Variants in KIRREL3 observed in about 807,000 individuals in gnomAD.
The protein encoded by KIRREL3 is kirre like nephrin family adhesion molecule 3, also known as kin of IRRE-like protein 3.
KIRREL3 carries 36 observed loss-of-function variants against 89.7 expected under a neutral mutation model. The observed-to-expected ratio is 0.40, with a 90% CI of 0.31 to 0.53. The LOEUF (loss-of-function observed/expected upper bound fraction) is 0.53. Among genes scored for constraint, KIRREL3 ranks in the 20% least tolerant of loss-of-function variants. The pLI is 0.49. For synonymous variants in KIRREL3, 445 were observed against 441.4 expected (o/e 1.01, Z -0.10); for missense variants, 864 against 1,056.6 (o/e 0.82, Z 2.53).
rs540560592 is a variant in KIRREL3 at position 126,911,659 on chromosome 11, T to C, written c.55+88796A>G. 7.2e-5 allele frequency among the ~76,000 whole-genome samples: 11 copies of C among 152,248 alleles called. No homozygotes were observed. In the South Asian group the frequency reaches 2.3e-3, roughly 32 times the overall value. On this transcript the variant is annotated intron_variant, in intron 1 of 16. Transcript: ENST00000525144. ...AGGACAGTCAGGAAGGACTTTCCTC[T>C]TCTGGGCCCCAGCAGATGGTGGGAT...
At chr11:126,440,942 C>T (rs1293787208) in intron 10 of KIRREL3, 1 of 238,368 alleles carries the variant, frequency 4.2e-6, no homozygotes, top group Non-Finnish European at 8.3e-6. Flanking sequence ...GGGGAGGTGT[C>T]TAGATGAAGG....
At chr11:126,998,128 A>G (rs994650290) in intron 1 of KIRREL3, among the ~76,000 whole-genome samples, 1 of 152,206 alleles carries the variant, frequency 6.6e-6, no homozygotes, top group Non-Finnish European at 1.5e-5. Flanking sequence ...AATGCATGAC[A>G]CTGGGTAGAG....
chr11:126,909,006 G>A lies in KIRREL3; in HGVS notation c.55+91449C>T, dbSNP rs1233941091. Among the ~76,000 whole-genome samples, 4 of 152,034 alleles carry A rather than the reference G, an allele frequency of 2.6e-5. No individual in the cohort carries two copies. Among genetic ancestry groups the A allele is most frequent in the South Asian group, 4.1e-4 (2 of 4,824 alleles). ...ACTTAAATTTGTTATATTATTTAAA[G>A]TTGTTATGTTAAATTTGTGTTATTT... is the stretch of plus-strand genomic sequence containing the variant. On this transcript the variant is annotated intron_variant, in intron 1 of 16. Transcript: ENST00000525144. This position sits in a 1 kb window ranked among gnomAD's most constrained non-coding sequence, Gnocchi z 4.5.
intron 1 of KIRREL3, among the ~76,000 whole-genome samples, chr11:126,757,795 A>C (rs1194410171): frequency 2.0e-5 from 3 of 152,208 alleles, no homozygotes; most frequent in African/African-American, 7.2e-5. Flanking sequence ...CATATTCACC[A>C]CTAGCTAACT....
At chr11:126,644,548 A>G (rs1259106135) in intron 1 of KIRREL3, among the ~76,000 whole-genome samples, 14 of 152,194 alleles carry the variant, frequency 9.2e-5, no homozygotes, top group Admixed American at 9.2e-4. Flanking sequence ...ATCACCAAGG[A>G]TGAAGCTGGT....
intron 1 of KIRREL3, among the ~76,000 whole-genome samples, chr11:126,911,982 CAAA>C (rs34548052): frequency 0.17 from 15,243 of 91,412 alleles, 857 homozygotes; most frequent in South Asian, 0.36. Flanking sequence ...GACTCTGTCT[CAAA>C]AAAAAAAAAA....
At chr11:126,602,156 C>T (rs185240000) in intron 1 of KIRREL3, among the ~76,000 whole-genome samples, 142 of 152,306 alleles carry the variant, frequency 9.3e-4, no homozygotes, top group Non-Finnish European at 1.2e-3. Flanking sequence ...GCCCTGGCAG[C>T]GTTTCTGTTT....
rs974150277 is a variant in KIRREL3 at position 126,684,560 on chromosome 11, T to C, written c.56-121648A>G. On this transcript the variant is annotated intron_variant, in intron 1 of 16. Coordinates refer to ENST00000525144, the MANE Select transcript of KIRREL3 (RefSeq NM_032531.4). This position sits in a 1 kb window ranked among gnomAD's most constrained non-coding sequence, Gnocchi z 4.2. ...CCGATGTGTCACTTCAGTATTCTGATGAATTTACCCTACCAGGCCAGTCAG... is the reference window on the plus strand; with the variant it reads ...CCGATGTGTCACTTCAGTATTCTGACGAATTTACCCTACCAGGCCAGTCAG... 2.6e-5 allele frequency among the ~76,000 whole-genome samples: 4 copies of C among 152,182 alleles called. No individual in the cohort carries two copies. Among genetic ancestry groups the C allele is most frequent in the African/African-American group, 9.7e-5 (4 of 41,428 alleles).
In KIRREL3 at chr11:126,623,952, T is replaced by C. The variant is rs1422632692; in HGVS notation, c.56-61040A>G. Among the ~76,000 whole-genome samples the C allele has an allele frequency of 6.6e-6, 1 of 152,174 alleles. No individual in the cohort carries two copies. The highest frequency in any genetic ancestry group is 2.4e-5 in the African/African-American group (1 of 41,432). On this transcript the variant is annotated intron_variant, in intron 1 of 16. Transcript: ENST00000525144. The surrounding 1 kb of genome is among the most constrained non-coding windows in gnomAD (Gnocchi z 4.1). ...TAACGGTGAGCAGTTTTGTGAATTC[T>C]GTGAATTACCCTTGAACTGGTCAGA...
In KIRREL3 at chr11:126,970,184, T is replaced by G. The variant is rs1949391149; in HGVS notation, c.55+30271A>C. 6.6e-6 allele frequency among the ~76,000 whole-genome samples: 1 copy of G among 152,342 alleles called. No homozygotes were observed. The highest frequency in any genetic ancestry group is 2.1e-4 in the South Asian group (1 of 4,828). ...TCTTTCTTCTTTCAGTTTTTCGCTC[T>G]TCACAGCTCAGTTAATTCCACTTAA... On this transcript the variant is annotated intron_variant, in intron 1 of 16. Coordinates refer to ENST00000525144, the MANE Select transcript of KIRREL3 (RefSeq NM_032531.4). This position sits in a 1 kb window ranked among gnomAD's most constrained non-coding sequence, Gnocchi z 4.4.
chr11:126,687,066 T>C lies in KIRREL3; in HGVS notation c.56-124154A>G, dbSNP rs1272882476. 6.6e-6 allele frequency among the ~76,000 whole-genome samples: 1 copy of C among 152,084 alleles called. No individual in the cohort carries two copies. The highest frequency in any genetic ancestry group is 1.5e-5 in the Non-Finnish European group (1 of 68,028). On this transcript the variant is annotated intron_variant, in intron 1 of 16. Transcript: ENST00000525144. The surrounding 1 kb of genome is among the most constrained non-coding windows in gnomAD (Gnocchi z 4.6). ...CCAGAGGTGAGGTTGCAAGTGTGGT[T>C]GGGGCCAAGACCACAACACGTGTTC... is the stretch of plus-strand genomic sequence containing the variant.
intron 1 of KIRREL3, among the ~76,000 whole-genome samples, chr11:126,923,231 CT>C (rs55652747): frequency 0.035 from 1,635 of 47,106 alleles, 376 homozygotes; most frequent in Middle Eastern, 0.1. Context: ...TCTTCTTCTT[CT>C]TCTTCTTCTT....
At chr11:126,822,735 A>T (rs10750344) in intron 1 of KIRREL3, among the ~76,000 whole-genome samples, 1 of 152,076 alleles carries the variant, frequency 6.6e-6, no homozygotes. Context: ...AGGAGGGAGG[A>T]TGAGGAAGCT....
chr11:126,436,063 G>A (rs989492828), intron 12 of KIRREL3, among the ~76,000 whole-genome samples: 1 of 152,346 alleles, frequency 6.6e-6, no homozygotes, highest in African/African-American at 2.4e-5. Flanking sequence ...GTCTGTGCCT[G>A]AGAGCTCTGA....
rs1947017778 is a variant in KIRREL3, at chr11:126,694,725, T to A, written c.56-131813A>T. Among the ~76,000 whole-genome samples, 1 of 152,176 alleles carries A rather than the reference T, an allele frequency of 6.6e-6. No individual in the cohort carries two copies. Among genetic ancestry groups the A allele is most frequent in the Non-Finnish European group, 1.5e-5 (1 of 68,030 alleles). On this transcript the variant is annotated intron_variant, in intron 1 of 16. Coordinates refer to ENST00000525144, the MANE Select transcript of KIRREL3 (RefSeq NM_032531.4). The surrounding 1 kb of genome is among the most constrained non-coding windows in gnomAD (Gnocchi z 4.4). The stretch of plus-strand genomic sequence containing the variant: ...AAAAAATTCTCTACAGAGAGGTGAA[T>A]ACTGGGCTGTTGTTAATAATGATGA...
At position 126,640,460 on chromosome 11, in the gene KIRREL3, C is replaced by T. The variant is rs1944426077; in HGVS notation, c.56-77548G>A. Among the ~76,000 whole-genome samples the T allele has an allele frequency of 6.6e-6, 1 of 152,182 alleles. No homozygotes were observed. The highest frequency in any genetic ancestry group is 6.5e-5 in the Admixed American group (1 of 15,272). The stretch of plus-strand genomic sequence containing the variant: ...TCAGATTAGCAACATCAAAAGCATT[C>T]CAATCTGTTCCCTGCATACATTACA... On this transcript the variant is annotated intron_variant, in intron 1 of 16. Transcript: ENST00000525144. This position sits in a 1 kb window ranked among gnomAD's most constrained non-coding sequence, Gnocchi z 4.9.
rs1032405532 is a variant in KIRREL3, at chr11:126,909,789, C to T, written c.55+90666G>A. On this transcript the variant is annotated intron_variant, in intron 1 of 16. Transcript: ENST00000525144. This position sits in a 1 kb window ranked among gnomAD's most constrained non-coding sequence, Gnocchi z 4.5. ...GTTGTGCATGAGGCTGAAGCACCGC[C>T]ATTATAAAAAACTTGGTTAAAATAT... Among the ~76,000 whole-genome samples, 1 of 152,114 alleles carries T rather than the reference C, an allele frequency of 6.6e-6. No homozygotes were observed. Among genetic ancestry groups the T allele is most frequent in the Non-Finnish European group, 1.5e-5 (1 of 68,016 alleles).
In KIRREL3 at chr11:126,687,431, T is replaced by C. The variant is rs1946708434; in HGVS notation, c.56-124519A>G. Among the ~76,000 whole-genome samples the C allele has an allele frequency of 6.6e-6, 1 of 152,148 alleles. No homozygotes were observed. The highest frequency in any genetic ancestry group is 6.5e-5 in the Admixed American group (1 of 15,268). ...TTGATACCCAAGAAAGCAGGAAATC[T>C]CACCCAGCTGGAAGCTCTCCTGTAA... On this transcript the variant is annotated intron_variant, in intron 1 of 16. Transcript: ENST00000525144. The surrounding 1 kb of genome is among the most constrained non-coding windows in gnomAD (Gnocchi z 4.6).
chr11:126,494,354 A>G (rs1211989767), intron 4 of KIRREL3, among the ~76,000 whole-genome samples: 2 of 152,242 alleles, frequency 1.3e-5, no homozygotes, highest in African/African-American at 4.8e-5. Context: ...AAATGTTTCA[A>G]TATTTTTCCA....
Sources: gnomAD v4.1 joint callset for allele counts (sites outside exome capture counted in the v4.1 genomes callset) on GRCh38, gnomAD v4.1.1 for gene constraint, Gnocchi (gnomAD v3.1) non-coding constraint, MANE v1.5 for transcripts, NCBI Gene and HGNC (gene_info 2026-07-23, HGNC 2026-07-21) for gene names.